SLBP: variants seen among roughly 807,000 people sequenced by gnomAD.
SLBP encodes histone RNA hairpin-binding protein.
SLBP carries 29 observed loss-of-function variants against 39.2 expected under a neutral mutation model. The ratio of observed to expected loss-of-function variants is 0.74; its 90% CI spans 0.55 to 1.01. SLBP has a LOEUF of 1.01. SLBP is among the 50% of genes least tolerant of loss of function. The pLI is 0.00. For synonymous variants in SLBP, 129 were observed against 118.7 expected (o/e 1.09, Z -0.57); for missense variants, 390 against 350.2 (o/e 1.11, Z -0.91).
chr4:1,703,545 G>T, intron 3 of SLBP, 51 bp downstream of exon 3: 1 of 1,122,276 alleles, frequency 8.9e-7, no homozygotes, highest in Non-Finnish European at 1.4e-6. Flanking sequence ...AATTTAATGT[G>T]TTACTGAAAA....
chr4:1,707,087 C>T (rs1287552205), intron 2 of SLBP, among the ~76,000 whole-genome samples: 20 of 150,660 alleles, frequency 1.3e-4, no homozygotes, highest in African/African-American at 4.9e-4. Context: ...GGCGCGGTGG[C>T]GGGCGCCTGT....
chr4:1,710,143 TG>T (rs1403874662), intron 2 of SLBP, among the ~76,000 whole-genome samples: 1 of 151,536 alleles, frequency 6.6e-6, no homozygotes, highest in Non-Finnish European at 1.5e-5. Context: ...CCTCCCAAAG[TG>T]CTGGGATTAC....
At position 1,703,669 on chromosome 4, in the gene SLBP, A is replaced by C. The variant is rs766491458; in HGVS notation, c.208T>G (p.Ser70Ala). 6.2e-7 allele frequency: 1 copy of C among 1,613,832 alleles called. No homozygotes were observed. The highest frequency in any genetic ancestry group is 8.5e-7 in the Non-Finnish European group (1 of 1,179,718). Reference protein sequence around the residue: ...FTTPEGPKPRSRCSDWASAVE... With the variant: ...FTTPEGPKPRARCSDWASAVE... Reference sequence around the variant, plus strand: ...GCACTTGCCCAGTCAGAGCATCTGGAACGGGGTTTAGGGCCTTCAGGAGTG... The same window carrying C: ...GCACTTGCCCAGTCAGAGCATCTGGCACGGGGTTTAGGGCCTTCAGGAGTG... The change falls in exon 3 of 8, where the codon TCC (serine) becomes GCC (alanine). Residue 70 changes from serine to alanine, a missense_variant. Coordinates refer to ENST00000489418, the MANE Select transcript of SLBP (RefSeq NM_006527.4).
intron 3 of SLBP, among the ~76,000 whole-genome samples, chr4:1,700,619 G>A (rs1030425174): frequency 6.6e-6 from 1 of 151,862 alleles, no homozygotes; most frequent in Non-Finnish European, 1.5e-5. Flanking sequence ...GAGTACAGTA[G>A]CACGATCATG....
chr4:1,698,921 C>G (rs1716224579), intron 5 of SLBP, among the ~76,000 whole-genome samples: 1 of 152,094 alleles, frequency 6.6e-6, no homozygotes, highest in Non-Finnish European at 1.5e-5. Context: ...TCCCAAGTAG[C>G]TGGGACTACA....
intron 2 of SLBP, among the ~76,000 whole-genome samples, chr4:1,707,884 GC>G (rs200559625): frequency 0.017 from 2,532 of 152,208 alleles, 92 homozygotes; most frequent in African/African-American, 0.057. Context: ...TTCGAGACTA[GC>G]CTGACAAACA....
At chr4:1,705,999 G>C (rs1393475201) in intron 2 of SLBP, among the ~76,000 whole-genome samples, 1 of 152,116 alleles carries the variant, frequency 6.6e-6, no homozygotes, top group East Asian at 1.9e-4. Flanking sequence ...AAATATATAT[G>C]GTGGCAGAGG....
At chr4:1,711,456 C>A (rs1050966654) in intron 2 of SLBP, among the ~76,000 whole-genome samples, 5 of 152,170 alleles carry the variant, frequency 3.3e-5, no homozygotes, top group African/African-American at 7.2e-5. Flanking sequence ...TCAAGCCCTC[C>A]TTTCGCTCGC....
chr4:1,708,616 C>A (rs1716613262), intron 2 of SLBP, among the ~76,000 whole-genome samples: 1 of 152,144 alleles, frequency 6.6e-6, no homozygotes, highest in African/African-American at 2.4e-5. Flanking sequence ...TAATTTAAAG[C>A]CTGTGTATGT....
chr4:1,711,258 C>T (rs151151209), intron 2 of SLBP, among the ~76,000 whole-genome samples: 1 of 151,888 alleles, frequency 6.6e-6, no homozygotes, highest in East Asian at 1.9e-4. Context: ...TCCACCTTCA[C>T]TGCTCCATCT....
rs577720452 is a variant in SLBP, at chr4:1,699,997, T to A, written c.341+14A>T. 238 of 1,556,262 alleles carry A rather than the reference T, an allele frequency of 1.5e-4. 2 individuals carry two copies. The South Asian group carries it at 2.8e-3, about 18-fold the overall frequency. The stretch of plus-strand genomic sequence containing the variant: ...TCTATCAAATTAGAAAAGAAACATT[T>A]ACACAGCCTTTACCTTCCTGATGAT... On this transcript the variant is annotated intron_variant, in intron 4 of 7. Coordinates refer to ENST00000489418, the MANE Select transcript of SLBP (RefSeq NM_006527.4).
In SLBP at chr4:1,703,692, G is replaced by A. The variant is rs1339212110; in HGVS notation, c.185C>T (p.Thr62Ile). 1 of 1,608,966 alleles carries A rather than the reference G, an allele frequency of 6.2e-7. No individual in the cohort carries two copies. Among genetic ancestry groups the A allele is most frequent in the Non-Finnish European group, 8.5e-7 (1 of 1,175,296 alleles). Reference protein sequence around the residue: ...GAERRPESFTTPEGPKPRSRC... With the variant: ...GAERRPESFTIPEGPKPRSRC... The stretch of plus-strand genomic sequence containing the variant: ...GGAACGGGGTTTAGGGCCTTCAGGA[G>A]TGGTAAAGCTGCAATAAAAGGAAAA... Residue 62 changes from threonine to isoleucine, a missense_variant, in exon 3 of 8, where the codon ACT becomes ATT. Transcript: ENST00000489418.
At position 1,693,412 on chromosome 4, in the gene SLBP, A is replaced by G. The variant is rs138944670; in HGVS notation, c.*185T>C. 587 of 548,468 alleles carry G rather than the reference A, an allele frequency of 1.1e-3. 1 individual carries two copies. Among genetic ancestry groups the G allele is most frequent in the African/African-American group, 9.5e-3 (506 of 52,998 alleles). 34.0% of individuals were successfully genotyped at this position (548,468 alleles called of 1,614,324 possible). ...CTCCATTTACAATTTAAAACATGCA[A>G]AATATACTCACTATACATAAAATTA... On this transcript the variant is annotated 3_prime_UTR_variant, in exon 8 of 8. Coordinates refer to ENST00000489418, the MANE Select transcript of SLBP (RefSeq NM_006527.4).
At chr4:1,701,396 C>G (rs1028944499) in intron 3 of SLBP, among the ~76,000 whole-genome samples, 1 of 152,206 alleles carries the variant, frequency 6.6e-6, no homozygotes, top group African/African-American at 2.4e-5. Flanking sequence ...ATCCGCCCGC[C>G]TTGGCCTCCC....
In SLBP at chr4:1,694,856, C is replaced by A. The variant is rs369353670; in HGVS notation, c.630-16G>T. The A allele has an allele frequency of 6.3e-7, 1 of 1,597,558 alleles. No individual in the cohort carries two copies. The highest frequency in any genetic ancestry group is 8.6e-7 in the Non-Finnish European group (1 of 1,164,952). On this transcript the variant is annotated splice_polypyrimidine_tract_variant and intron_variant, in intron 6 of 7. Transcript: ENST00000489418. Reference sequence around the variant, plus strand: ...TACAGGGTGTCTGTTAAACAAGATCCAACATGTGCGTCAGGCACTAACTTA... The same window carrying A: ...TACAGGGTGTCTGTTAAACAAGATCAAACATGTGCGTCAGGCACTAACTTA...
chr4:1,698,610 G>A (rs1222002476), intron 5 of SLBP, among the ~76,000 whole-genome samples: 5 of 150,042 alleles, frequency 3.3e-5, no homozygotes, highest in Non-Finnish European at 7.4e-5. Context: ...TCAGCCTCCC[G>A]AGTAGCTGGG....
At chr4:1,709,261 G>C (rs971207406) in intron 2 of SLBP, among the ~76,000 whole-genome samples, 3 of 152,032 alleles carry the variant, frequency 2.0e-5, no homozygotes, top group Admixed American at 2.0e-4. Flanking sequence ...TGGGGTGTTG[G>C]GAAAAAGGCT....
chr4:1,699,839 G>A, intron 4 of SLBP, 138 bp from the exon 5 acceptor site: 1 of 872,838 alleles, frequency 1.1e-6, no homozygotes, highest in Non-Finnish European at 1.8e-6. Flanking sequence ...AAATAGTCCG[G>A]AGACTGCATG....
chr4:1,710,482 T>C (rs1037582218), intron 2 of SLBP, among the ~76,000 whole-genome samples: 2 of 152,230 alleles, frequency 1.3e-5, no homozygotes, highest in African/African-American at 4.8e-5. Context: ...ATTTAGCTAA[T>C]GTTAAGGACA....
Sources: allele counts gnomAD v4.1 joint callset (sites outside exome capture counted in the v4.1 genomes callset), GRCh38; gene constraint gnomAD v4.1.1; transcripts MANE v1.5; gene names NCBI Gene and HGNC (gene_info 2026-07-23, HGNC 2026-07-21).